ANKS1A: variants seen among roughly 807,000 people sequenced by gnomAD.
The protein encoded by ANKS1A is ankyrin repeat and sterile alpha motif domain containing 1A.
In ANKS1A, 55 loss-of-function variants were observed where a neutral mutation model predicts 120.3. The ratio of observed to expected loss-of-function variants is 0.46; its 90% confidence interval spans 0.37 to 0.57. The LOEUF (loss-of-function observed/expected upper bound fraction) is 0.57. Among genes scored for constraint, ANKS1A ranks in the 20% least tolerant of loss-of-function variants. The pLI is 0.00. For synonymous variants in ANKS1A, 590 were observed against 604.7 expected, an observed-to-expected ratio of 0.98 and a Z score of 0.36; for missense variants, 1,123 against 1,480.3, an observed-to-expected ratio of 0.76 and a Z score of 3.96.
intron 1 of ANKS1A, among the ~76,000 whole-genome samples, chr6:34,953,979 A>C (rs1425121648): frequency 6.6e-6 from 1 of 152,248 alleles, no homozygotes; most frequent in Admixed American, 6.5e-5. Flanking sequence ...TAATAAAGTA[A>C]GTTGAATTAA....
At position 35,086,384 on chromosome 6, in the gene ANKS1A, G is replaced by A. The variant is rs1435442094; in HGVS notation, c.3303+448G>A. 7.7e-7 allele frequency: 1 copy of A among 1,292,470 alleles called. No individual in the cohort carries two copies. 80.1% of individuals were successfully genotyped at this position (1,292,470 alleles called of 1,614,324 possible). A position where few individuals can be genotyped will look rare whatever the true frequency, so the allele number is the denominator to read the frequency against. ...TGGAGTCAAGGTCTTTACGCCTCCTGCTGTCTTGTGTGTCAGTCTCCCCGA... is the reference window on the plus strand; with the variant it reads ...TGGAGTCAAGGTCTTTACGCCTCCTACTGTCTTGTGTGTCAGTCTCCCCGA... On this transcript the variant is annotated intron_variant, in intron 22 of 23. Transcript: ENST00000360359. This position sits in a 1 kb window ranked among gnomAD's most constrained non-coding sequence, Gnocchi z 5.1.
chr6:34,961,480 G>T (rs137910868), intron 1 of ANKS1A, among the ~76,000 whole-genome samples: 305 of 152,300 alleles, frequency 2.0e-3, no homozygotes, highest in African/African-American at 6.9e-3. Context: ...CCTCTGGTTG[G>T]AAACGTTGCT....
In ANKS1A at chr6:35,017,829, G is replaced by A. The variant is rs1419043803; in HGVS notation, c.1780G>A (p.Gly594Ser). ...LTHTASPHPG[G>S]AEEGDRSGAR... ...TCACACAGCATCTCCGCACCCTGGT[G>A]GTGCTGAGGAAGGAGACCGGAGTGG... Residue 594 changes from glycine to serine, a missense_variant, in exon 11 of 24, where the codon GGT (glycine) becomes AGT (serine). Coordinates refer to ENST00000360359, the MANE Select transcript of ANKS1A (RefSeq NM_015245.3). 1 of 1,614,204 alleles carries A rather than the reference G, an allele frequency of 6.2e-7. No individual in the cohort carries two copies. The highest frequency in any genetic ancestry group is 8.5e-7 in the Non-Finnish European group (1 of 1,180,034).
rs769169153 is a variant in ANKS1A, at chr6:34,983,445, T to C, written c.1012+20T>C. ...CTCAGGGTAAGGTAACTCTCCCCTA[T>C]GAGTAAAGGGGTGCTCAGCTTGAAA... On this transcript the variant is annotated intron_variant, in intron 7 of 23. Transcript: ENST00000360359. The C allele has an allele frequency of 2.5e-6, 4 of 1,582,532 alleles. No individual in the cohort carries two copies. In the African/African-American group the frequency reaches 4.1e-5, roughly 16 times the overall value.
At position 35,054,113 on chromosome 6, in the gene ANKS1A, G is replaced by C. The variant is rs753820249; in HGVS notation, c.2025G>C (p.Met675Ile). The change falls in exon 12 of 24, where the codon ATG becomes ATC. Residue 675 changes from methionine to isoleucine, a missense_variant. Physicochemically the swap from Met to Ile is conservative, Grantham distance 10. Transcript: ENST00000360359. ...TTCCATTTCAGATTGAGAAAATCAT[G>C]AGTTCTATTGGAGAAGGGATTGACT... is the stretch of plus-strand genomic sequence containing the variant. Reference protein sequence around the residue: ...ASEWDEIEKIMSSIGEGIDFS... With the variant: ...ASEWDEIEKIISSIGEGIDFS... The C allele has an allele frequency of 3.7e-6, 6 of 1,613,876 alleles. No individual in the cohort carries two copies. The highest frequency in any genetic ancestry group is 4.2e-6 in the Non-Finnish European group (5 of 1,179,802).
chr6:34,925,326 G>C (rs964108000), intron 1 of ANKS1A, among the ~76,000 whole-genome samples: 3 of 152,138 alleles, frequency 2.0e-5, no homozygotes, highest in Non-Finnish European at 4.4e-5. Context: ...CCATAGAATG[G>C]CTTTCCTCAA....
At chr6:34,926,928 A>G (rs1182149289) in intron 1 of ANKS1A, among the ~76,000 whole-genome samples, 1 of 152,162 alleles carries the variant, frequency 6.6e-6, no homozygotes, top group Non-Finnish European at 1.5e-5. Flanking sequence ...GTTTATAATT[A>G]TTTAGTGGTT....
At chr6:34,930,747 C>G (rs1214935539) in intron 1 of ANKS1A, among the ~76,000 whole-genome samples, 3 of 152,130 alleles carry the variant, frequency 2.0e-5, no homozygotes, top group Non-Finnish European at 4.4e-5. Context: ...TATCAACTTG[C>G]CTCGTTTCTG....
intron 10 of ANKS1A, among the ~76,000 whole-genome samples, chr6:35,002,775 A>G (rs911569327): frequency 1.3e-5 from 2 of 152,018 alleles, no homozygotes; most frequent in Non-Finnish European, 2.9e-5. Context: ...ATTAGACAAT[A>G]TTGCATAGCT....
intron 1 of ANKS1A, among the ~76,000 whole-genome samples, chr6:34,915,926 C>G (rs949827126): frequency 4.0e-5 from 6 of 150,284 alleles, no homozygotes; most frequent in African/African-American, 1.5e-4. Context: ...GAGCTGTTTT[C>G]CTTTTAGCCA....
chr6:34,901,851 A>G (rs1220518359), intron 1 of ANKS1A, among the ~76,000 whole-genome samples: 1 of 152,154 alleles, frequency 6.6e-6, no homozygotes, highest in Non-Finnish European at 1.5e-5. Flanking sequence ...TAAGGGTCCT[A>G]TTTTATGCAG....
rs1172478054 is a variant in ANKS1A, at chr6:35,044,376, C to T, written c.2011-9723C>T. Among the ~76,000 whole-genome samples the T allele has an allele frequency of 6.6e-6, 1 of 152,240 alleles. No individual in the cohort carries two copies. The highest frequency in any genetic ancestry group is 1.9e-4 in the East Asian group (1 of 5,200). Reference sequence around the variant, plus strand: ...AAGTTCCTTGCTCACAGCCGCGTTGCTGAAAGCGGCAAAGCTGATTCCACA... The same window carrying T: ...AAGTTCCTTGCTCACAGCCGCGTTGTTGAAAGCGGCAAAGCTGATTCCACA... On this transcript the variant is annotated intron_variant, in intron 11 of 23. Coordinates refer to ENST00000360359, the MANE Select transcript of ANKS1A (RefSeq NM_015245.3). The surrounding 1 kb of genome is among the most constrained non-coding windows in gnomAD (Gnocchi z 4.4).
chr6:35,065,588 C>T (rs1232764950), intron 13 of ANKS1A, among the ~76,000 whole-genome samples: 1 of 152,242 alleles, frequency 6.6e-6, no homozygotes, highest in Non-Finnish European at 1.5e-5. Flanking sequence ...GGAGCTGGGA[C>T]TGGCAGCCAC....
intron 11 of ANKS1A, among the ~76,000 whole-genome samples, chr6:35,046,323 C>T (rs1775718989): frequency 6.6e-6 from 1 of 152,178 alleles, no homozygotes; most frequent in Non-Finnish European, 1.5e-5. Flanking sequence ...ATAATGGTGC[C>T]ATCGACTTTC....
intron 1 of ANKS1A, among the ~76,000 whole-genome samples, chr6:34,897,934 T>TTA (rs1484245910): frequency 6.6e-6 from 1 of 152,242 alleles, no homozygotes. Context: ...GATCAGGTTC[T>TTA]GACCCAACTC....
chr6:35,002,286 TG>T (rs1317994551), intron 10 of ANKS1A, among the ~76,000 whole-genome samples: 5 of 151,038 alleles, frequency 3.3e-5, no homozygotes, highest in African/African-American at 1.2e-4. Flanking sequence ...TGTACGTGGA[TG>T]GGAGCAGCTT....
In ANKS1A at chr6:34,967,222, T is replaced by G. The variant is rs769788967; in HGVS notation, c.198-17T>G. The stretch of plus-strand genomic sequence containing the variant: ...TCTGTGAAATCTATGTCTCTCTCTT[T>G]TTTTTTTCCCTGATAGCATGTGGAG... On this transcript the variant is annotated splice_polypyrimidine_tract_variant and intron_variant, in intron 1 of 23. Coordinates refer to ENST00000360359, the MANE Select transcript of ANKS1A (RefSeq NM_015245.3). 3.1e-6 allele frequency: 5 copies of G among 1,610,268 alleles called. No homozygotes were observed. The Admixed American group carries it at 6.7e-5, about 22-fold the overall frequency.
intron 11 of ANKS1A, among the ~76,000 whole-genome samples, chr6:35,025,720 T>C (rs867149425): frequency 1.4e-4 from 22 of 152,118 alleles, no homozygotes; most frequent in Non-Finnish European, 2.2e-4. Flanking sequence ...TTTTTACAGG[T>C]GGAGTTAAGG....
At chr6:35,012,818 G>A (rs1230659226) in intron 10 of ANKS1A, among the ~76,000 whole-genome samples, 8 of 152,120 alleles carry the variant, frequency 5.3e-5, no homozygotes, top group Admixed American at 2.6e-4. Flanking sequence ...AGCTGGCCTC[G>A]ATGTATGGGT....
Sources: allele counts gnomAD v4.1 joint callset (sites outside exome capture counted in the v4.1 genomes callset), GRCh38; gene constraint gnomAD v4.1.1; non-coding constraint Gnocchi (gnomAD v3.1); transcripts MANE v1.5; gene names NCBI Gene and HGNC (gene_info 2026-07-23, HGNC 2026-07-21).